PCDH20: variants seen among roughly 807,000 people sequenced by gnomAD.
PCDH20 encodes protocadherin-20.
In PCDH20, 18 loss-of-function variants were observed where a neutral mutation model predicts 39.7. That is an observed-to-expected ratio of 0.45 (90% CI 0.31 to 0.67). The LOEUF is 0.67. PCDH20 is among the 30% of genes least tolerant of loss of function. PCDH20 has a pLI of 0.05. For missense variants in PCDH20, 1,161 were observed against 1,167.4 expected, an observed-to-expected ratio of 0.99 and a Z score of 0.08; for synonymous variants, 495 against 455.4, an observed-to-expected ratio of 1.09 and a Z score of -1.11.
At chr13:61,411,986 G>T in exon 2 of PCDH20, 1 of 1,614,122 alleles carries the variant, frequency 6.2e-7, no homozygotes, top group Non-Finnish European at 8.5e-7. Flanking sequence ...TAGGAGCTTT[G>T]CTGCTCTCTG....
chr13:61,415,434 T>C, exon 1 of PCDH20: 1 of 326,306 alleles, frequency 3.1e-6, no homozygotes, highest in East Asian at 4.9e-5. Flanking sequence ...TTGGGCACAG[T>C]AGCGCTTACC....
rs1354814364 is a variant in PCDH20 at position 61,415,273 on chromosome 13, TAAGGACGGGAACTCA to T, written c.-130_-116del. On this transcript the variant is annotated 5_prime_UTR_variant, in exon 1 of 2. It removes the in-frame stop codon of an upstream open reading frame in the 5' UTR. Coordinates refer to ENST00000409204, the Ensembl canonical transcript of PCDH20. ...AGCCAATAGTCACTGGCTCTTCAATTAAGGACGGGAACTCAAAGAGTGGCAGAAAGGCAAGAGGGC... is the reference window on the plus strand; with the variant it reads ...AGCCAATAGTCACTGGCTCTTCAATTAAGAGTGGCAGAAAGGCAAGAGGGC... 5.8e-6 allele frequency: 7 copies of T among 1,201,206 alleles called. No individual in the cohort carries two copies. 74.4% of individuals were successfully genotyped at this position (1,201,206 alleles called of 1,614,324 possible). A position where few individuals can be genotyped will look rare whatever the true frequency, so the allele number is the denominator to read the frequency against.
At chr13:61,411,891 A>G (rs1220131664) in exon 2 of PCDH20, 12 of 1,614,198 alleles carry the variant, frequency 7.4e-6, no homozygotes, top group Non-Finnish European at 9.3e-6. Flanking sequence ...GAGGGTTGTC[A>G]TTGATATCTA....
exon 2 of PCDH20, chr13:61,412,476 T>C (rs1016755863): frequency 4.3e-6 from 7 of 1,614,076 alleles, no homozygotes; most frequent in Admixed American, 1.7e-5. Context: ...CGATGGTTAG[T>C]TCTATTAAGG....
chr13:61,411,959 C>T, exon 2 of PCDH20: 2 of 1,614,156 alleles, frequency 1.2e-6, no homozygotes, highest in Non-Finnish European at 1.7e-6. Context: ...CCATCAACAG[C>T]TTCAACCCAC....
chr13:61,412,419 T>C, exon 2 of PCDH20: 1 of 1,614,150 alleles, frequency 6.2e-7, no homozygotes, highest in Non-Finnish European at 8.5e-7. Flanking sequence ...TGTCGGCATC[T>C]GTAGCATACA....
In PCDH20 at chr13:61,411,829, GA is replaced by G; in HGVS notation, c.2269del (p.Ser757LeufsTer20). 6.2e-7 allele frequency: 1 copy of G among 1,614,154 alleles called. No homozygotes were observed. The stretch of plus-strand genomic sequence containing the variant: ...TGTAACCGGGGAGCCTGGCAGAGTA[GA>G]AGGCAGTACTAACAGATAAGACATA... On this transcript the variant is annotated frameshift_variant, in exon 2 of 2. Coordinates refer to ENST00000409204, the Ensembl canonical transcript of PCDH20. LOFTEE classifies it low-confidence loss of function (END_TRUNC).
chr13:61,410,451 C>G (rs753084973), exon 2 of PCDH20: 1 of 152,150 alleles, frequency 6.6e-6, no homozygotes, highest in East Asian at 1.9e-4. Context: ...GGCTGTTTTT[C>G]TTGGGCACAA....
chr13:61,413,281 A>G (rs1169154402), exon 2 of PCDH20: 2 of 1,614,086 alleles, frequency 1.2e-6, no homozygotes, highest in Non-Finnish European at 1.7e-6. Context: ...ACCCATGACA[A>G]TTAGGTAGGG....
chr13:61,412,318 G>C, exon 2 of PCDH20: 17 of 1,614,094 alleles, frequency 1.1e-5, no homozygotes, highest in Non-Finnish European at 1.4e-5. Flanking sequence ...CAGCTGAGTA[G>C]AAACTGTCAG....
chr13:61,415,180 A>G, exon 1 of PCDH20: 1 of 1,395,084 alleles, frequency 7.2e-7, no homozygotes, highest in Non-Finnish European at 9.4e-7. Flanking sequence ...CTGCAGTCAG[A>G]GCGCTCTTGA....
At position 61,415,331 on chromosome 13, in the gene PCDH20, G is replaced by T. The variant is rs1018660309; in HGVS notation, c.-173C>A. The T allele has an allele frequency of 6.7e-6, 5 of 742,444 alleles. No homozygotes were observed. The South Asian group carries it at 2.2e-4, about 33-fold the overall frequency. The allele number at this position is 742,444 out of a possible 1,614,324, so 46.0% of individuals were successfully genotyped here. A position where few individuals can be genotyped will look rare whatever the true frequency, so the allele number is the denominator to read the frequency against. On this transcript the variant is annotated 5_prime_UTR_variant, in exon 1 of 2. Coordinates refer to ENST00000409204, the Ensembl canonical transcript of PCDH20. Reference sequence around the variant, plus strand: ...AAGAGGGCAGAAGGGCACATTCATGGTTTCCTGCCCCGGACGCAGGTAACT... The same window carrying T: ...AAGAGGGCAGAAGGGCACATTCATGTTTTCCTGCCCCGGACGCAGGTAACT...
chr13:61,414,057 C>T lies in PCDH20; in HGVS notation c.133-91G>A. ...TAGCGCCCCTGTGATCCTTGCTGTC[C>T]CCATCCCCGTTCCCAGAAGCAAAAC... is the stretch of plus-strand genomic sequence containing the variant. On this transcript the variant is annotated intron_variant, in intron 1 of 1. Coordinates refer to ENST00000409204, the Ensembl canonical transcript of PCDH20. The T allele has an allele frequency of 3.4e-6, 4 of 1,187,448 alleles. No homozygotes were observed. In the South Asian group the frequency reaches 6.4e-5, roughly 19 times the overall value. The allele number at this position is 1,187,448 out of a possible 1,614,324, so 73.6% of individuals were successfully genotyped here.
exon 2 of PCDH20, chr13:61,413,265 C>T (rs769312291): frequency 1.2e-6 from 2 of 1,614,030 alleles, no homozygotes; most frequent in East Asian, 2.2e-5. Context: ...TTTCCCTGTC[C>T]AAAGCACCCA....
exon 2 of PCDH20, chr13:61,413,749 A>C: frequency 6.2e-7 from 1 of 1,613,726 alleles, no homozygotes; most frequent in Non-Finnish European, 8.5e-7. Flanking sequence ...GCTGAAGGAG[A>C]GAGGGGGGTT....
At chr13:61,415,455 C>G (rs3829389) in exon 1 of PCDH20, 3 of 288,194 alleles carry the variant, frequency 1.0e-5, no homozygotes, top group African/African-American at 6.5e-5. Context: ...TACCAGCCTC[C>G]TTCCTTGCCG....
intron 1 of PCDH20, 109 bp from the exon 2 acceptor site, chr13:61,414,075 A>G (rs1297254771): frequency 1.0e-6 from 1 of 989,598 alleles, no homozygotes; most frequent in African/African-American, 1.6e-5. Context: ...CGTTCCCAGA[A>G]GCAAAACCTC....
At chr13:61,413,151 A>T (rs760533816) in exon 2 of PCDH20, 1 of 1,614,148 alleles carries the variant, frequency 6.2e-7, no homozygotes, top group South Asian at 1.1e-5. Flanking sequence ...AGAGAGGGCA[A>T]TTGTCATTAA....
exon 2 of PCDH20, chr13:61,413,033 T>C: frequency 6.2e-7 from 1 of 1,614,122 alleles, no homozygotes; most frequent in South Asian, 1.1e-5. Context: ...TAAGAATAAG[T>C]AATTTGAGCA....
Sources: allele counts gnomAD v4.1 joint callset, GRCh38; gene constraint gnomAD v4.1.1; transcripts MANE v1.5; gene names NCBI Gene and HGNC (gene_info 2026-07-23, HGNC 2026-07-21).